Variants in RHOQ observed in about 807,000 individuals in gnomAD.
RHOQ encodes the protein rho-related GTP-binding protein RhoQ.
RHOQ carries 7 observed loss-of-function variants against 25.8 expected under a neutral mutation model. The ratio of observed to expected loss-of-function variants is 0.27; its 90% CI spans 0.15 to 0.51. The LOEUF (loss-of-function observed/expected upper bound fraction) is 0.51. RHOQ is among the 20% of genes least tolerant of loss of function. The probability of loss-of-function intolerance (pLI) is 0.97; values close to 1 mark genes in which losing one functional copy is unlikely to be tolerated. For synonymous variants in RHOQ, 97 were observed against 98.6 expected, an observed-to-expected ratio of 0.98 and a Z score of 0.10; for missense variants, 165 against 260.6, an observed-to-expected ratio of 0.63 and a Z score of 2.53.
chr2:46,578,914 G>GTA, intron 4 of RHOQ, among the ~76,000 whole-genome samples: 1 of 152,032 alleles, frequency 6.6e-6, no homozygotes, highest in East Asian at 1.9e-4. Flanking sequence ...GTGTGTATAT[G>GTA]TATATATAGA....
intron 2 of RHOQ, among the ~76,000 whole-genome samples, chr2:46,550,561 A>T (rs1428551854): frequency 1.3e-5 from 2 of 152,184 alleles, no homozygotes; most frequent in African/African-American, 4.8e-5. Context: ...TCCCCTGAGG[A>T]GGAGACAGGT....
At chr2:46,545,722 C>A (rs928203041) in intron 2 of RHOQ, among the ~76,000 whole-genome samples, 2 of 152,018 alleles carry the variant, frequency 1.3e-5, no homozygotes, top group African/African-American at 4.8e-5. Flanking sequence ...TGCTGAGATG[C>A]CACGGGGTTG....
intron 4 of RHOQ, among the ~76,000 whole-genome samples, chr2:46,579,245 C>T (rs1332710098): frequency 6.6e-6 from 1 of 152,186 alleles, no homozygotes; most frequent in Non-Finnish European, 1.5e-5. Context: ...TTGGACTCTG[C>T]TCCATCTCTT....
rs1395455689 is a variant in RHOQ, at chr2:46,556,435, G to A, written c.201+12623G>A. Among the ~76,000 whole-genome samples the A allele has an allele frequency of 6.6e-6, 1 of 151,914 alleles. No individual in the cohort carries two copies. Among genetic ancestry groups the A allele is most frequent in the Non-Finnish European group, 1.5e-5 (1 of 67,966 alleles). ...GCCCCTGGCTCAGGTAGAGGCGAGGGCTGATCTCTTCTCTACCCTTCTGAT... is the reference window on the plus strand; with the variant it reads ...GCCCCTGGCTCAGGTAGAGGCGAGGACTGATCTCTTCTCTACCCTTCTGAT... On this transcript the variant is annotated intron_variant, in intron 2 of 4. Transcript: ENST00000238738. This position sits in a 1 kb window ranked among gnomAD's most constrained non-coding sequence, Gnocchi z 4.9.
intron 2 of RHOQ, among the ~76,000 whole-genome samples, chr2:46,557,083 C>T (rs1668432145): frequency 1.3e-5 from 2 of 152,150 alleles, no homozygotes. Flanking sequence ...CTTTGTTTTT[C>T]AACCTATCAA....
rs143098296 is a variant in RHOQ, at chr2:46,548,157, G to A, written c.201+4345G>A. Among the ~76,000 whole-genome samples the A allele has an allele frequency of 0.02, 3,015 of 152,306 alleles. 50 individuals are homozygous for A. The highest frequency in any genetic ancestry group is 0.031 in the Non-Finnish European group (2,083 of 68,008). On this transcript the variant is annotated intron_variant, in intron 2 of 4. Coordinates refer to ENST00000238738, the MANE Select transcript of RHOQ (RefSeq NM_012249.4). The surrounding 1 kb of genome is among the most constrained non-coding windows in gnomAD (Gnocchi z 5.2). The stretch of plus-strand genomic sequence containing the variant: ...CTTAAACACACAAGTTCAGGGAAGC[G>A]TCCATGACAGCTATAAATATCTTTT...
intron 2 of RHOQ, among the ~76,000 whole-genome samples, chr2:46,564,529 A>C (rs1668669020): frequency 6.6e-6 from 1 of 152,154 alleles, no homozygotes; most frequent in South Asian, 2.1e-4. Flanking sequence ...GGCAGATTGC[A>C]CTGTATGCGT....
chr2:46,575,674 TAA>T (rs1266825225), intron 2 of RHOQ, among the ~76,000 whole-genome samples: 7 of 152,182 alleles, frequency 4.6e-5, no homozygotes, highest in African/African-American at 1.7e-4. Flanking sequence ...AAGGATTAAA[TAA>T]GTAATCCATG....
chr2:46,546,480 A>ATATATATATATATATATATATATATT (rs1668060153), intron 2 of RHOQ, among the ~76,000 whole-genome samples: 1 of 15,448 alleles, frequency 6.5e-5, no homozygotes, highest in Non-Finnish European at 1.1e-4. Flanking sequence ...ATATGTGTAT[A>ATATATATATATATATATATATATATT]TATATATATA....
intron 2 of RHOQ, among the ~76,000 whole-genome samples, chr2:46,567,901 A>T (rs1353416013): frequency 6.6e-6 from 1 of 152,114 alleles, no homozygotes; most frequent in South Asian, 2.1e-4. Flanking sequence ...CTACAAAAAA[A>T]AAATAAAATA....
intron 2 of RHOQ, among the ~76,000 whole-genome samples, chr2:46,545,167 T>C (rs34416415): frequency 0.21 from 32,354 of 152,088 alleles, 3,765 homozygotes; most frequent in Admixed American, 0.28. Context: ...TGGGCCCCCA[T>C]TGGTTGCCTG....
chr2:46,566,064 A>G lies in RHOQ; in HGVS notation c.202-10023A>G, dbSNP rs970673945. On this transcript the variant is annotated intron_variant, in intron 2 of 4. Coordinates refer to ENST00000238738, the MANE Select transcript of RHOQ (RefSeq NM_012249.4). The surrounding 1 kb of genome is among the most constrained non-coding windows in gnomAD (Gnocchi z 4.2). The stretch of plus-strand genomic sequence containing the variant: ...GAAGAAACAGGGAAACTCACTGGGC[A>G]GGTGACTGCTTTAGTGTGTGTATTT... 2.0e-5 allele frequency among the ~76,000 whole-genome samples: 3 copies of G among 152,220 alleles called. No individual in the cohort carries two copies. The highest frequency in any genetic ancestry group is 2.0e-4 in the Admixed American group (3 of 15,280).
intron 2 of RHOQ, among the ~76,000 whole-genome samples, chr2:46,546,450 ACATATATATATATATATATATATGTG>A: frequency 9.5e-5 from 8 of 83,902 alleles, no homozygotes; most frequent in East Asian, 6.0e-4. Context: ...ATACACATAT[ACATATATATATATATATATATATGTG>A]TATATATATA....
At chr2:46,579,861 C>G (rs1477386209) in intron 4 of RHOQ, among the ~76,000 whole-genome samples, 1 of 151,746 alleles carries the variant, frequency 6.6e-6, no homozygotes, top group Non-Finnish European at 1.5e-5. Flanking sequence ...AAAAAAAGCC[C>G]TGAAGTCGTA....
intron 2 of RHOQ, among the ~76,000 whole-genome samples, chr2:46,561,146 A>G (rs1238850962): frequency 6.6e-6 from 1 of 151,970 alleles, no homozygotes; most frequent in East Asian, 1.9e-4. Context: ...GTGTGTATAT[A>G]TATATACACC....
At position 46,556,944 on chromosome 2, in the gene RHOQ, G is replaced by A. The variant is rs1668427702; in HGVS notation, c.201+13132G>A. Among the ~76,000 whole-genome samples the A allele has an allele frequency of 6.6e-6, 1 of 152,180 alleles. No individual in the cohort carries two copies. Among genetic ancestry groups the A allele is most frequent in the African/African-American group, 2.4e-5 (1 of 41,434 alleles). ...TCGTAAGAGATCAGCCTATAAATGAGGTTGCCAAAGAGTTAATCTACCATG... is the reference window on the plus strand; with the variant it reads ...TCGTAAGAGATCAGCCTATAAATGAAGTTGCCAAAGAGTTAATCTACCATG... On this transcript the variant is annotated intron_variant, in intron 2 of 4. Coordinates refer to ENST00000238738, the MANE Select transcript of RHOQ (RefSeq NM_012249.4). This position sits in a 1 kb window ranked among gnomAD's most constrained non-coding sequence, Gnocchi z 4.9.
chr2:46,578,616 C>CATG (rs1669227472), intron 4 of RHOQ, among the ~76,000 whole-genome samples: 1 of 109,340 alleles, frequency 9.1e-6, no homozygotes, highest in South Asian at 3.0e-4. Flanking sequence ...ATTAGCTGAG[C>CATG]ATGATGGTGC....
chr2:46,543,077 A>G lies in RHOQ; in HGVS notation c.31A>G (p.Lys11Glu). MAHGPGALML[K>E]CVVVGDGAVG... ...TCACGGGCCCGGCGCGCTGATGCTC[A>G]AGTGCGTGGTGGTCGGCGACGGGGC... The change falls in exon 1 of 5, where the codon AAG becomes GAG. Residue 11 changes from lysine to glutamate, a missense_variant. Physicochemically the swap from Lys to Glu is moderately conservative, Grantham distance 56. Coordinates refer to ENST00000238738, the MANE Select transcript of RHOQ (RefSeq NM_012249.4). The G allele has an allele frequency of 1.9e-6, 3 of 1,606,670 alleles. No homozygotes were observed. The highest frequency in any genetic ancestry group is 1.1e-5 in the South Asian group (1 of 90,516).
chr2:46,559,735 G>T (rs1668514456), intron 2 of RHOQ, among the ~76,000 whole-genome samples: 1 of 152,228 alleles, frequency 6.6e-6, no homozygotes, highest in Admixed American at 6.5e-5. Context: ...AACCACTGTT[G>T]TAGGGTGATC....
Sources: gnomAD v4.1 joint callset for allele counts (sites outside exome capture counted in the v4.1 genomes callset) on GRCh38, gnomAD v4.1.1 for gene constraint, Gnocchi (gnomAD v3.1) non-coding constraint, MANE v1.5 for transcripts, NCBI Gene and HGNC (gene_info 2026-07-23, HGNC 2026-07-21) for gene names.